Variants in PAK5 observed in about 807,000 individuals in gnomAD.
PAK5 encodes p21 (RAC1) activated kinase 5.
In PAK5, 16 loss-of-function variants were observed where a neutral mutation model predicts 65.9. That is an observed-to-expected ratio of 0.24 (90% CI 0.16 to 0.37). The LOEUF is 0.37. PAK5 is among the 10% of genes least tolerant of loss of function. The pLI, the probability that PAK5 is intolerant of heterozygous loss-of-function variation, is 1.00. For synonymous variants in PAK5, 371 were observed against 354.9 expected, an observed-to-expected ratio of 1.05 and a Z score of -0.51; for missense variants, 785 against 903.9, an observed-to-expected ratio of 0.87 and a Z score of 1.69.
chr20:9,542,843 A>G, intron 8 of PAK5, 123 bp from the exon 9 acceptor site: 1 of 859,288 alleles, frequency 1.2e-6, no homozygotes, highest in Admixed American at 2.6e-5. Flanking sequence ...CAACATTTAC[A>G]ATATAGATTT....
chr20:9,754,305 T>A (rs968891994), intron 1 of PAK5, among the ~76,000 whole-genome samples: 1 of 152,070 alleles, frequency 6.6e-6, no homozygotes, highest in Non-Finnish European at 1.5e-5. Context: ...CCCCCAGAAT[T>A]TGGAGACTGG....
chr20:9,811,174 A>G (rs1414595822), intron 1 of PAK5, among the ~76,000 whole-genome samples: 1 of 152,174 alleles, frequency 6.6e-6, no homozygotes, highest in African/African-American at 2.4e-5. Flanking sequence ...GTACTGGCCA[A>G]TGATCCCCTC....
At position 9,778,419 on chromosome 20, in the gene PAK5, G is replaced by A. The variant is rs142084406; in HGVS notation, c.-162+60343C>T. On this transcript the variant is annotated intron_variant, in intron 1 of 9. Coordinates refer to ENST00000353224, the MANE Select transcript of PAK5 (RefSeq NM_177990.4). ...TGCCTGGCTAATTTTTTAATTGTTT[G>A]TAGAGACTGGGTCTCATCGTATTAC... Among the ~76,000 whole-genome samples, 1,351 of 152,144 alleles carry A rather than the reference G, an allele frequency of 8.9e-3. 12 individuals are homozygous for A. The highest frequency in any genetic ancestry group is 0.014 in the Non-Finnish European group (959 of 68,004).
At chr20:9,559,757 G>C (rs1046927778) in intron 6 of PAK5, among the ~76,000 whole-genome samples, 1 of 151,256 alleles carries the variant, frequency 6.6e-6, no homozygotes, top group Non-Finnish European at 1.5e-5. Flanking sequence ...GTGAGGCTCT[G>C]TTTCAAAAAA....
intron 3 of PAK5, among the ~76,000 whole-genome samples, chr20:9,604,218 G>A (rs1319685672): frequency 6.6e-6 from 1 of 152,194 alleles, no homozygotes; most frequent in Non-Finnish European, 1.5e-5. Context: ...AACACAAGCT[G>A]CCTAGGGCAC....
chr20:9,623,334 G>A (rs1038773225), intron 3 of PAK5, among the ~76,000 whole-genome samples: 3 of 151,840 alleles, frequency 2.0e-5, no homozygotes, highest in African/African-American at 7.3e-5. Flanking sequence ...ATGGAACAGT[G>A]GAAACTCCAA....
chr20:9,788,640 C>A (rs2049017808), intron 1 of PAK5, among the ~76,000 whole-genome samples: 1 of 152,104 alleles, frequency 6.6e-6, no homozygotes, highest in South Asian at 2.1e-4. Context: ...TTTGTATTTT[C>A]TGGTCATATC....
At chr20:9,770,047 C>A (rs916831557) in intron 1 of PAK5, among the ~76,000 whole-genome samples, 5 of 152,018 alleles carry the variant, frequency 3.3e-5, no homozygotes, top group Non-Finnish European at 5.9e-5. Context: ...AAAAGAGTTT[C>A]TTTTTTAGAT....
intron 3 of PAK5, among the ~76,000 whole-genome samples, chr20:9,597,713 C>T (rs188443341): frequency 6.6e-6 from 1 of 152,314 alleles, no homozygotes; most frequent in Admixed American, 6.5e-5. Context: ...GTCTACGTTT[C>T]TAGAGGCTGT....
chr20:9,797,657 G>A (rs1038543912), intron 1 of PAK5, among the ~76,000 whole-genome samples: 13 of 147,588 alleles, frequency 8.8e-5, no homozygotes, highest in African/African-American at 2.6e-4. Context: ...AAAAATATTC[G>A]TATATAAAAA....
At chr20:9,768,693 G>C (rs535619051) in intron 1 of PAK5, among the ~76,000 whole-genome samples, 3 of 145,174 alleles carry the variant, frequency 2.1e-5, no homozygotes, top group East Asian at 2.1e-4. Context: ...TGAGGCAAGA[G>C]AATCGCTTGA....
chr20:9,780,689 A>C (rs1195712095), intron 1 of PAK5, among the ~76,000 whole-genome samples: 2 of 151,720 alleles, frequency 1.3e-5, no homozygotes, highest in African/African-American at 2.4e-5. Flanking sequence ...TATAGTACAC[A>C]CCCCCCTTGG....
At chr20:9,571,098 T>C (rs1237770192) in intron 4 of PAK5, among the ~76,000 whole-genome samples, 2 of 152,206 alleles carry the variant, frequency 1.3e-5, no homozygotes, top group Non-Finnish European at 2.9e-5. Flanking sequence ...ACAACTAGTA[T>C]CACAAGAGAC....
intron 3 of PAK5, among the ~76,000 whole-genome samples, chr20:9,588,583 G>A (rs1370507256): frequency 6.6e-6 from 1 of 152,184 alleles, no homozygotes; most frequent in African/African-American, 2.4e-5. Flanking sequence ...AGAATCATAA[G>A]TGGCAAAGCA....
chr20:9,775,644 A>G (rs899400873), intron 1 of PAK5, among the ~76,000 whole-genome samples: 9 of 152,226 alleles, frequency 5.9e-5, no homozygotes, highest in Non-Finnish European at 7.3e-5. Context: ...CACCTTAACC[A>G]AGGTAATTAT....
At chr20:9,682,326 C>T (rs1335483103) in intron 2 of PAK5, among the ~76,000 whole-genome samples, 1 of 151,938 alleles carries the variant, frequency 6.6e-6, no homozygotes, top group Non-Finnish European at 1.5e-5. Flanking sequence ...CACTGCACTC[C>T]AGCCTGGGCA....
At chr20:9,723,741 C>A (rs947134396) in intron 1 of PAK5, among the ~76,000 whole-genome samples, 2 of 152,118 alleles carry the variant, frequency 1.3e-5, no homozygotes, top group African/African-American at 4.8e-5. Flanking sequence ...GCAAAGGCAG[C>A]CTAGATTAGG....
chr20:9,782,661 C>A (rs1273666283), intron 1 of PAK5, among the ~76,000 whole-genome samples: 1 of 152,124 alleles, frequency 6.6e-6, no homozygotes, highest in African/African-American at 2.4e-5. Flanking sequence ...ATTCATTAAA[C>A]TCGTCTTTTC....
intron 3 of PAK5, among the ~76,000 whole-genome samples, chr20:9,595,138 G>C (rs1775105070): frequency 6.6e-6 from 1 of 150,764 alleles, no homozygotes; most frequent in African/African-American, 2.4e-5. Flanking sequence ...GAGAGAGAGA[G>C]ATAGTATCAA....
Sources: allele counts gnomAD v4.1 joint callset (sites outside exome capture counted in the v4.1 genomes callset), GRCh38; gene constraint gnomAD v4.1.1; transcripts MANE v1.5; gene names NCBI Gene and HGNC (gene_info 2026-07-23, HGNC 2026-07-21).